MAP2K6: variants seen among roughly 807,000 people sequenced by gnomAD.
MAP2K6 encodes mitogen-activated protein kinase kinase 6.
MAP2K6 carries 16 observed loss-of-function variants against 53.7 expected under a neutral mutation model. The ratio of observed to expected loss-of-function variants is 0.30; its 90% CI spans 0.20 to 0.45. The LOEUF (loss-of-function observed/expected upper bound fraction) is 0.45. Ranked by LOEUF, MAP2K6 falls within the 20% of genes least tolerant of loss-of-function variation. MAP2K6 has a pLI of 1.00. For missense variants in MAP2K6, 204 were observed against 411.9 expected, an observed-to-expected ratio of 0.50 and a Z score of 4.37; for synonymous variants, 132 against 143.1, an observed-to-expected ratio of 0.92 and a Z score of 0.55.
intron 1 of MAP2K6, chr17:69,505,442 CAAAA>C (rs33993512): frequency 0.01 from 1,210 of 115,410 alleles, no homozygotes; most frequent in Middle Eastern, 0.028. Flanking sequence ...GACTCTGTCT[CAAAA>C]AAAAAAAAAA....
At chr17:69,479,774 A>G (rs1908284057) in intron 1 of MAP2K6, among the ~76,000 whole-genome samples, 1 of 150,288 alleles carries the variant, frequency 6.7e-6, no homozygotes, top group Non-Finnish European at 1.5e-5. Context: ...CTGGAGTGCA[A>G]TGGTGCGATC....
At chr17:69,529,504 ATTTTTTTTTTT>A (rs10566943) in intron 10 of MAP2K6, among the ~76,000 whole-genome samples, 2 of 98,388 alleles carry the variant, frequency 2.0e-5, no homozygotes, top group African/African-American at 4.2e-5. Context: ...ATGGTTTTTA[ATTTTTTTTTTT>A]TTTTTTTTTT....
chr17:69,551,130 C>T lies in MAP2K6; in HGVS notation c.*9377C>T, dbSNP rs1912082263. 1 of 152,172 alleles carries T rather than the reference C, an allele frequency of 6.6e-6. No homozygotes were observed. The highest frequency in any genetic ancestry group is 1.5e-5 in the Non-Finnish European group (1 of 68,020). The allele number at this position is 152,172 out of a possible 1,614,324, so 9.4% of individuals were successfully genotyped here. On this transcript the variant is annotated 3_prime_UTR_variant, in exon 12 of 12. Coordinates refer to ENST00000590474, the MANE Select transcript of MAP2K6 (RefSeq NM_002758.4). ...GTCTCAGTGACAAGGCGTGGAGTGACTGGGCTCTTCATATGCAGTGGAATT... is the reference window on the plus strand; with the variant it reads ...GTCTCAGTGACAAGGCGTGGAGTGATTGGGCTCTTCATATGCAGTGGAATT...
chr17:69,419,076 A>G (rs1439302054), intron 1 of MAP2K6, among the ~76,000 whole-genome samples: 1 of 152,184 alleles, frequency 6.6e-6, no homozygotes, highest in Non-Finnish European at 1.5e-5. Flanking sequence ...ACTCTACCAT[A>G]TATCTTGGAT....
chr17:69,462,254 C>T (rs987831708), intron 1 of MAP2K6, among the ~76,000 whole-genome samples: 1 of 152,068 alleles, frequency 6.6e-6, no homozygotes, highest in Non-Finnish European at 1.5e-5. Context: ...CCTCCTCTAT[C>T]CAGGGGATGG....
rs185633939 is a variant in MAP2K6, at chr17:69,540,137, G to A, written c.928-1539G>A. 2.0e-5 allele frequency among the ~76,000 whole-genome samples: 3 copies of A among 152,238 alleles called. No individual in the cohort carries two copies. The East Asian group carries it at 5.8e-4, about 29-fold the overall frequency. On this transcript the variant is annotated intron_variant, in intron 11 of 11. Coordinates refer to ENST00000590474, the MANE Select transcript of MAP2K6 (RefSeq NM_002758.4). ...TTGCATTGTTTCCTAGAGTTTCCAT[G>A]AGCAGGAACTCAGTTTTCCACGGAG...
intron 1 of MAP2K6, chr17:69,485,220 G>A (rs1908487232): frequency 6.6e-6 from 1 of 152,060 alleles, no homozygotes; most frequent in Non-Finnish European, 1.5e-5. Flanking sequence ...CTCTAGAAAA[G>A]TATCCCATAC....
chr17:69,449,541 C>CTTTGTCTTTCTT (rs1352223318), intron 1 of MAP2K6, among the ~76,000 whole-genome samples: 1 of 99,472 alleles, frequency 1.0e-5, no homozygotes, highest in Non-Finnish European at 2.0e-5. Flanking sequence ...GTCTTTCTTT[C>CTTTGTCTTTCTT]TTTCTTTCTT....
At chr17:69,507,082 C>A (rs116709453) in intron 2 of MAP2K6, among the ~76,000 whole-genome samples, 5 of 151,896 alleles carry the variant, frequency 3.3e-5, no homozygotes, top group African/African-American at 1.2e-4. Context: ...ATGTGGCCTA[C>A]TTTTACTACC....
chr17:69,511,630 G>GAGT (rs1909821093), intron 2 of MAP2K6, among the ~76,000 whole-genome samples: 1 of 152,160 alleles, frequency 6.6e-6, no homozygotes, highest in South Asian at 2.1e-4. Context: ...ACTCTCACTT[G>GAGT]ACATGTGAAC....
At chr17:69,509,697 G>T (rs751048147) in intron 2 of MAP2K6, among the ~76,000 whole-genome samples, 1 of 152,078 alleles carries the variant, frequency 6.6e-6, no homozygotes, top group East Asian at 1.9e-4. Flanking sequence ...AACTTGCTTT[G>T]TTCCTCATCT....
At chr17:69,490,795 T>C (rs773885035) in intron 1 of MAP2K6, among the ~76,000 whole-genome samples, 1 of 152,140 alleles carries the variant, frequency 6.6e-6, no homozygotes, top group Non-Finnish European at 1.5e-5. Context: ...GGGGATTTGT[T>C]GTACAGATTA....
intron 1 of MAP2K6, among the ~76,000 whole-genome samples, chr17:69,464,608 C>T (rs1325690889): frequency 6.6e-6 from 1 of 152,134 alleles, no homozygotes; most frequent in East Asian, 1.9e-4. Flanking sequence ...TCTCAAACTC[C>T]TGACCTCAAG....
At chr17:69,458,391 C>T (rs1416607525) in intron 1 of MAP2K6, among the ~76,000 whole-genome samples, 1 of 152,134 alleles carries the variant, frequency 6.6e-6, no homozygotes, top group African/African-American at 2.4e-5. Context: ...AGGACCTGCC[C>T]TCTACCTACT....
At chr17:69,512,222 A>G (rs949701139) in intron 2 of MAP2K6, among the ~76,000 whole-genome samples, 1 of 151,640 alleles carries the variant, frequency 6.6e-6, no homozygotes, top group Admixed American at 6.6e-5. Context: ...CTGTGAGCAA[A>G]CAGTTTATGG....
intron 10 of MAP2K6, among the ~76,000 whole-genome samples, chr17:69,533,422 A>G (rs1911188698): frequency 6.6e-6 from 1 of 152,230 alleles, no homozygotes; most frequent in Non-Finnish European, 1.5e-5. Flanking sequence ...AAGGTAAAAA[A>G]TCAGCACATT....
chr17:69,500,915 T>C (rs1161651720), intron 1 of MAP2K6, among the ~76,000 whole-genome samples: 2 of 152,238 alleles, frequency 1.3e-5, no homozygotes, highest in African/African-American at 4.8e-5. Flanking sequence ...CACTTTTACA[T>C]TGCTGTTGCA....
At chr17:69,490,637 C>T (rs912479108) in intron 1 of MAP2K6, among the ~76,000 whole-genome samples, 1 of 152,068 alleles carries the variant, frequency 6.6e-6, no homozygotes, top group Non-Finnish European at 1.5e-5. Context: ...TTTCTGATAA[C>T]AGCATATTAT....
In MAP2K6 at chr17:69,495,299, C is replaced by T. The variant is rs1284440936; in HGVS notation, c.17-10481C>T. 5.9e-5 allele frequency among the ~76,000 whole-genome samples: 9 copies of T among 151,624 alleles called. No individual in the cohort carries two copies. In the East Asian group the frequency reaches 1.4e-3, roughly 23 times the overall value. On this transcript the variant is annotated intron_variant, in intron 1 of 11. Transcript: ENST00000590474. ...TGTCGCCCAAGCTGGAGTGCAGTGGCGAGACTTCGGCTCACTGCCTCCACC... is the reference window on the plus strand; with the variant it reads ...TGTCGCCCAAGCTGGAGTGCAGTGGTGAGACTTCGGCTCACTGCCTCCACC...
Sources: allele counts gnomAD v4.1 joint callset (sites outside exome capture counted in the v4.1 genomes callset), GRCh38; gene constraint gnomAD v4.1.1; transcripts MANE v1.5; gene names NCBI Gene and HGNC (gene_info 2026-07-23, HGNC 2026-07-21).